Variants in KLC1 observed in about 807,000 individuals in gnomAD.
KLC1 encodes kinesin light chain 1, also known as kinesin 2 60/70kDa.
Under a neutral mutation model 84.2 loss-of-function variants are expected in KLC1, and 30 were observed. The ratio of observed to expected loss-of-function variants is 0.36; its 90% CI spans 0.27 to 0.48. The LOEUF is 0.48. Among genes scored for constraint, KLC1 ranks in the 20% least tolerant of loss-of-function variants. The pLI is 0.99. For synonymous variants in KLC1, 289 were observed against 293.3 expected (o/e 0.99, Z 0.15); for missense variants, 499 against 805.4 (o/e 0.62, Z 4.60).
rs1199313486 is a variant in KLC1, at chr14:103,694,464, A to G, written c.1848+2039A>G. The G allele has an allele frequency of 1.0e-6, 1 of 985,230 alleles. No individual in the cohort carries two copies. The highest frequency in any genetic ancestry group is 1.2e-6 in the Non-Finnish European group (1 of 829,940). 61.0% of individuals were successfully genotyped at this position (985,230 alleles called of 1,614,324 possible). ...TGGCTAACATGGCGTTTCACTTTTT[A>G]AAAGCTTAAGCTTTATGGAATGAGG... On this transcript the variant is annotated intron_variant, in intron 15 of 16. Transcript: ENST00000334553. This position sits in a 1 kb window ranked among gnomAD's most constrained non-coding sequence, Gnocchi z 4.5.
In KLC1 at chr14:103,673,175, G is replaced by T. The variant is rs142008310; in HGVS notation, c.1149G>T (p.Thr383=). 6.2e-7 allele frequency: 1 copy of T among 1,612,224 alleles called. No homozygotes were observed. The highest frequency in any genetic ancestry group is 2.2e-5 in the East Asian group (1 of 44,870). ...LGPDDPNVAK[T]KNNLASCYLK... ...CTGATGACCCCAACGTGGCTAAGAC[G>T]AAAAATAACCTGGTGTGTTGACTGC... The change falls in exon 8 of 17, where the codon ACG becomes ACT. Residue 383 remains threonine, a synonymous_variant. Coordinates refer to ENST00000334553, the MANE Select transcript of KLC1 (RefSeq NM_001394837.1).
chr14:103,680,660 A>G (rs1229221196), intron 13 of KLC1, among the ~76,000 whole-genome samples: 1 of 152,026 alleles, frequency 6.6e-6, no homozygotes, highest in Non-Finnish European at 1.5e-5. Context: ...TGCCCACTCA[A>G]CCCCAGTTGG....
chr14:103,688,014 A>G (rs1236314947), intron 14 of KLC1: 2 of 152,172 alleles, frequency 1.3e-5, no homozygotes, highest in Non-Finnish European at 2.9e-5. Context: ...TAGTAAAACT[A>G]TTTTACAAGT....
chr14:103,699,283 G>A (rs942196380), intron 15 of KLC1: 10 of 1,541,254 alleles, frequency 6.5e-6, no homozygotes, highest in South Asian at 1.2e-5. Context: ...ACTGCCACCC[G>A]CCCCACCTCC....
chr14:103,655,536 A>T (rs931560281), intron 2 of KLC1, among the ~76,000 whole-genome samples: 8 of 151,926 alleles, frequency 5.3e-5, no homozygotes, highest in African/African-American at 7.2e-5. Flanking sequence ...TCCCAACCTC[A>T]CGTGATCCAC....
intron 5 of KLC1, among the ~76,000 whole-genome samples, chr14:103,665,461 T>C (rs1346510940): frequency 1.3e-5 from 2 of 151,994 alleles, no homozygotes; most frequent in Non-Finnish European, 2.9e-5. Flanking sequence ...CTTGATGGAG[T>C]TTTGCTCTTG....
chr14:103,662,547 C>G (rs1435967500), intron 4 of KLC1, among the ~76,000 whole-genome samples, 155 bp from the exon 5 acceptor site: 1 of 151,994 alleles, frequency 6.6e-6, no homozygotes, highest in African/African-American at 2.4e-5. Flanking sequence ...ACTACTCTTA[C>G]CCTGCCTGCC....
chr14:103,687,359 C>G (rs2081845570), intron 14 of KLC1, 148 bp downstream of exon 14: 1 of 777,226 alleles, frequency 1.3e-6, no homozygotes, highest in African/African-American at 1.8e-5. Context: ...TTCATAGTTG[C>G]CACGTAGGTT....
intron 7 of KLC1, among the ~76,000 whole-genome samples, chr14:103,671,944 A>T (rs994780462): frequency 6.6e-6 from 1 of 152,200 alleles, no homozygotes; most frequent in African/African-American, 2.4e-5. Flanking sequence ...TGCCAAATTC[A>T]TTCATATATT....
intron 7 of KLC1, among the ~76,000 whole-genome samples, chr14:103,671,230 T>C (rs1181121499): frequency 1.3e-5 from 2 of 152,200 alleles, no homozygotes; most frequent in Non-Finnish European, 2.9e-5. Flanking sequence ...CATATATATT[T>C]AATACCAGCT....
intron 1 of KLC1, among the ~76,000 whole-genome samples, chr14:103,629,941 C>T (rs950617014): frequency 2.0e-5 from 3 of 152,084 alleles, no homozygotes; most frequent in African/African-American, 7.2e-5. Flanking sequence ...GCGGGGAGGC[C>T]GGAGGCCCGG....
At chr14:103,652,082 A>G (rs2078492095) in intron 1 of KLC1, among the ~76,000 whole-genome samples, 1 of 152,226 alleles carries the variant, frequency 6.6e-6, no homozygotes, top group African/African-American at 2.4e-5. Context: ...CTAGTTTGGG[A>G]AACATAAAAG....
At chr14:103,667,924 G>A (rs982407815) in intron 5 of KLC1, among the ~76,000 whole-genome samples, 3 of 152,212 alleles carry the variant, frequency 2.0e-5, no homozygotes, top group African/African-American at 7.2e-5. Context: ...TAAACTGAGA[G>A]TTTCTGGTTC....
intron 15 of KLC1, 50 bp downstream of exon 15, chr14:103,692,475 C>A: frequency 1.3e-6 from 2 of 1,489,918 alleles, no homozygotes; most frequent in Non-Finnish European, 1.8e-6. Context: ...ACCACGCTGG[C>A]AGGTCTGCTG....
intron 9 of KLC1, among the ~76,000 whole-genome samples, chr14:103,674,883 TG>T (rs1044675038): frequency 6.6e-6 from 1 of 152,192 alleles, no homozygotes; most frequent in Non-Finnish European, 1.5e-5. Context: ...TGGGGTGTCT[TG>T]ACAGTTGCTC....
intron 15 of KLC1, chr14:103,696,893 G>A: frequency 1.0e-6 from 1 of 985,304 alleles, no homozygotes; most frequent in Non-Finnish European, 1.2e-6. Context: ...TTCTGGGACT[G>A]ACTGCCAGGC....
In KLC1 at chr14:103,691,458, CTTTTT is replaced by C. The variant is rs71126053; in HGVS notation, c.1782-877_1782-873del. Among the ~76,000 whole-genome samples, 40 of 68,806 alleles carry C rather than the reference CTTTTT, an allele frequency of 5.8e-4. 1 individual carries two copies. The highest frequency in any genetic ancestry group is 1.7e-3 in the African/African-American group (27 of 15,438). 45.1% of individuals were successfully genotyped at this position (68,806 alleles called of 152,430 possible). On this transcript the variant is annotated intron_variant, in intron 14 of 16. Coordinates refer to ENST00000334553, the MANE Select transcript of KLC1 (RefSeq NM_001394837.1). ...TACAAGCATGAGCCACCACGCCTGG[CTTTTT>C]TTTTTTTTTTTTTTTTTTTTTTTGG...
chr14:103,696,093 C>CGGG, intron 15 of KLC1: 1 of 129,312 alleles, frequency 7.7e-6, no homozygotes, highest in African/African-American at 1.1e-4. Flanking sequence ...AATCACTGCG[C>CGGG]CCCCGCCCCC....
At chr14:103,674,738 T>C (rs186559134) in intron 9 of KLC1, among the ~76,000 whole-genome samples, 88 of 152,332 alleles carry the variant, frequency 5.8e-4, no homozygotes, top group African/African-American at 2.1e-3. Flanking sequence ...TTTCTACTTT[T>C]GCTAGCAACA....
Sources: allele counts gnomAD v4.1 joint callset (sites outside exome capture counted in the v4.1 genomes callset), GRCh38; gene constraint gnomAD v4.1.1; non-coding constraint Gnocchi (gnomAD v3.1); transcripts MANE v1.5; gene names NCBI Gene and HGNC (gene_info 2026-07-23, HGNC 2026-07-21).